CNTNAP4: variants seen among roughly 807,000 people sequenced by gnomAD.
CNTNAP4 encodes contactin associated protein family member 4.
A neutral mutation model predicts 148.4 loss-of-function variants in CNTNAP4; 98 were observed. That is an observed-to-expected ratio of 0.66 (90% CI 0.56 to 0.78). CNTNAP4 has a LOEUF of 0.78. Among genes scored for constraint, CNTNAP4 ranks in the 30% least tolerant of loss-of-function variants. The probability of loss-of-function intolerance (pLI) is 0.00; values close to 1 mark genes in which losing one functional copy is unlikely to be tolerated. For synonymous variants in CNTNAP4, 730 were observed against 565.1 expected (o/e 1.29, Z -4.14); for missense variants, 1,935 against 1,565.6 (o/e 1.24, Z -3.98).
At chr16:76,396,390 G>C (rs540005186) in intron 3 of CNTNAP4, among the ~76,000 whole-genome samples, 13 of 152,306 alleles carry the variant, frequency 8.5e-5, no homozygotes, top group African/African-American at 2.9e-4. Flanking sequence ...CACCCTATGT[G>C]AGTATCCTAA....
chr16:76,427,691 A>T lies in CNTNAP4; in HGVS notation c.538+92A>T, dbSNP rs9938200. 5.8e-6 allele frequency: 7 copies of T among 1,207,102 alleles called. No individual in the cohort carries two copies. The East Asian group carries it at 1.0e-4, about 18-fold the overall frequency. 74.8% of individuals were successfully genotyped at this position (1,207,102 alleles called of 1,614,324 possible). A position where few individuals can be genotyped will look rare whatever the true frequency, so the allele number is the denominator to read the frequency against. ...AAACTGAAATGGACTTTTTAGCTAC[A>T]TAAAGAGGTATAAAAAATAGGAATA... On this transcript the variant is annotated intron_variant, in intron 4 of 23. Coordinates refer to ENST00000611870, the MANE Select transcript of CNTNAP4 (RefSeq NM_033401.5).
chr16:76,553,718 C>A, intron 22 of CNTNAP4, 118 bp from the exon 23 acceptor site: 2 of 685,384 alleles, frequency 2.9e-6, no homozygotes, highest in Non-Finnish European at 2.5e-6. Flanking sequence ...TTGAAAATAA[C>A]AGAGATCCCA....
intron 2 of CNTNAP4, among the ~76,000 whole-genome samples, chr16:76,354,617 A>G (rs1336484105): frequency 6.6e-6 from 1 of 152,182 alleles, no homozygotes; most frequent in African/African-American, 2.4e-5. Context: ...CCAATTGCAA[A>G]GATGGTTATG....
intron 4 of CNTNAP4, among the ~76,000 whole-genome samples, chr16:76,434,828 C>A (rs984835539): frequency 6.6e-6 from 1 of 152,092 alleles, no homozygotes; most frequent in Non-Finnish European, 1.5e-5. Flanking sequence ...GGGGAAATGA[C>A]CACAGGATGA....
intron 3 of CNTNAP4, among the ~76,000 whole-genome samples, chr16:76,367,031 A>T (rs966811183): frequency 2.6e-5 from 4 of 151,868 alleles, no homozygotes; most frequent in African/African-American, 9.7e-5. Context: ...AGGAGAATTT[A>T]CATGTTACAA....
At chr16:76,279,406 G>A (rs1319986849) in intron 1 of CNTNAP4, among the ~76,000 whole-genome samples, 1 of 152,118 alleles carries the variant, frequency 6.6e-6, no homozygotes, top group Non-Finnish European at 1.5e-5. Flanking sequence ...AAAAGTGTAG[G>A]GTGTACATCA....
intron 15 of CNTNAP4, among the ~76,000 whole-genome samples, chr16:76,500,470 G>A (rs1292874607): frequency 2.6e-5 from 4 of 152,178 alleles, no homozygotes; most frequent in African/African-American, 9.7e-5. Flanking sequence ...TACCCACATA[G>A]GAAAGCCTCA....
At chr16:76,538,531 C>A (rs1247898449) in intron 19 of CNTNAP4, among the ~76,000 whole-genome samples, 191 bp downstream of exon 19, 1 of 151,770 alleles carries the variant, frequency 6.6e-6, no homozygotes, top group Non-Finnish European at 1.5e-5. Flanking sequence ...GATTAAGATG[C>A]CCTTATCTCT....
At position 76,316,436 on chromosome 16, in the gene CNTNAP4, T is replaced by A. The variant is rs1961759317; in HGVS notation, c.109T>A (p.Ser37Thr). 1 of 1,613,790 alleles carries A rather than the reference T, an allele frequency of 6.2e-7. No individual in the cohort carries two copies. Among genetic ancestry groups the A allele is most frequent in the Non-Finnish European group, 8.5e-7 (1 of 1,179,734 alleles). Reference sequence around the variant, plus strand: ...AGATGACTGTGATGATCCTCTTGTGTCTGCCTTGCCTCAGGCATCCTTCAG... The same window carrying A: ...AGATGACTGTGATGATCCTCTTGTGACTGCCTTGCCTCAGGCATCCTTCAG... ...NSYDCDDPLV[S>T]ALPQASFSSS... Residue 37 changes from serine (S) to threonine (T), a missense_variant, in exon 2 of 24, where the codon TCT becomes ACT. Physicochemically the swap from Ser to Thr is moderately conservative, Grantham distance 58 (BLOSUM62 1). Coordinates refer to ENST00000611870, the MANE Select transcript of CNTNAP4 (RefSeq NM_033401.5).
chr16:76,313,844 A>T (rs1477854615), intron 1 of CNTNAP4, among the ~76,000 whole-genome samples: 1 of 152,234 alleles, frequency 6.6e-6, no homozygotes, highest in Non-Finnish European at 1.5e-5. Context: ...AACATTTGGG[A>T]CAATAACCCT....
Position 76,522,043 on chromosome 16 carries a change from G to T in CNTNAP4, c.2541G>T (p.Pro847=), listed in dbSNP as rs576356259. Residue 847 remains proline (P), a synonymous_variant, in exon 17 of 24, where the codon CCG becomes CCT. Coordinates refer to ENST00000611870, the MANE Select transcript of CNTNAP4 (RefSeq NM_033401.5). ...ADFIRIELRS[P]TVVTFSFDVG... ...CTTTATGTGTAATATTTCCAGCTCC[G>T]ACAGTAGTGACTTTTTCATTTGATG... 1.2e-6 allele frequency: 2 copies of T among 1,613,710 alleles called. No homozygotes were observed. Among genetic ancestry groups the T allele is most frequent in the African/African-American group, 1.3e-5 (1 of 75,000 alleles).
chr16:76,310,865 G>A (rs1308849241), intron 1 of CNTNAP4, among the ~76,000 whole-genome samples: 1 of 151,886 alleles, frequency 6.6e-6, no homozygotes, highest in Non-Finnish European at 1.5e-5. Flanking sequence ...GTTCAGAATA[G>A]AAGATCTGGC....
intron 15 of CNTNAP4, among the ~76,000 whole-genome samples, chr16:76,512,449 T>C (rs1187436483): frequency 6.6e-6 from 1 of 152,130 alleles, no homozygotes; most frequent in African/African-American, 2.4e-5. Flanking sequence ...TCCTGATGAA[T>C]TGTTGTAGTT....
chr16:76,558,743 A>C lies in CNTNAP4; in HGVS notation c.*60A>C, dbSNP rs1487783128. 4.6e-6 allele frequency: 6 copies of C among 1,298,972 alleles called. No individual in the cohort carries two copies. The African/African-American group carries it at 5.9e-5, about 13-fold the overall frequency. The allele number at this position is 1,298,972 out of a possible 1,614,324, so 80.5% of individuals were successfully genotyped here. On this transcript the variant is annotated 3_prime_UTR_variant, in exon 24 of 24. Coordinates refer to ENST00000611870, the MANE Select transcript of CNTNAP4 (RefSeq NM_033401.5). ...TTTGTTTTAATAGCCAGGGGTTCTC[A>C]ATGGAAAAACGAATGCTCTTACACT... is the stretch of plus-strand genomic sequence containing the variant.
Position 76,324,642 on chromosome 16 carries a change from T to G in CNTNAP4, c.196+8119T>G, listed in dbSNP as rs754813104. On this transcript the variant is annotated intron_variant, in intron 2 of 23. Transcript: ENST00000611870. ...TAGAGTCTAGCATGGTGTCTGGCTATATGAATAATTAATTTAGAAATGTTA... is the reference window on the plus strand; with the variant it reads ...TAGAGTCTAGCATGGTGTCTGGCTAGATGAATAATTAATTTAGAAATGTTA... Among the ~76,000 whole-genome samples the G allele has an allele frequency of 1.2e-4, 18 of 152,302 alleles. No homozygotes were observed. The South Asian group carries it at 1.5e-3, about 12-fold the overall frequency.
At chr16:76,349,904 G>T (rs937312260) in intron 2 of CNTNAP4, among the ~76,000 whole-genome samples, 6 of 151,950 alleles carry the variant, frequency 3.9e-5, no homozygotes, top group African/African-American at 1.5e-4. Flanking sequence ...AGGAATGTCT[G>T]TCATGCCATT....
chr16:76,376,210 CA>C (rs1233011867), intron 3 of CNTNAP4, among the ~76,000 whole-genome samples: 1 of 152,006 alleles, frequency 6.6e-6, no homozygotes, highest in African/African-American at 2.4e-5. Context: ...ACAACTCATG[CA>C]AAATTAACAT....
At chr16:76,398,751 T>G (rs2078299331) in intron 3 of CNTNAP4, among the ~76,000 whole-genome samples, 1 of 152,146 alleles carries the variant, frequency 6.6e-6, no homozygotes, top group Non-Finnish European at 1.5e-5. Context: ...TGACAGCTTT[T>G]TAAGTACAAA....
chr16:76,410,331 T>C (rs956500413), intron 3 of CNTNAP4, among the ~76,000 whole-genome samples: 1 of 151,772 alleles, frequency 6.6e-6, no homozygotes, highest in Non-Finnish European at 1.5e-5. Context: ...AAGAAATATT[T>C]CCCAAATTTC....
Sources: gnomAD v4.1 joint callset for allele counts (sites outside exome capture counted in the v4.1 genomes callset) on GRCh38, gnomAD v4.1.1 for gene constraint, MANE v1.5 for transcripts, NCBI Gene and HGNC (gene_info 2026-07-23, HGNC 2026-07-21) for gene names.